INPP4A: variants seen among roughly 807,000 people sequenced by gnomAD.
INPP4A encodes the protein inositol polyphosphate-4-phosphatase type I A, also known as inositol polyphosphate-4-phosphatase, type I, 107kD.
Under a neutral mutation model 119.8 loss-of-function variants are expected in INPP4A, and 33 were observed. The ratio of observed to expected loss-of-function variants is 0.28; its 90% CI spans 0.21 to 0.37. INPP4A has a LOEUF of 0.37. INPP4A is among the 10% of genes least tolerant of loss of function. INPP4A has a pLI of 1.00. For missense variants in INPP4A, 956 were observed against 1,289.9 expected (o/e 0.74, Z 3.97); for synonymous variants, 496 against 500.7 (o/e 0.99, Z 0.12).
chr2:98,489,493 A>G (rs1266875284), intron 1 of INPP4A, among the ~76,000 whole-genome samples: 1 of 152,148 alleles, frequency 6.6e-6, no homozygotes, highest in African/African-American at 2.4e-5. Context: ...CAGATGACTC[A>G]GAGGGGCCCT....
intron 1 of INPP4A, among the ~76,000 whole-genome samples, chr2:98,453,232 T>G (rs571453688): frequency 2.2e-4 from 33 of 152,318 alleles, no homozygotes; most frequent in African/African-American, 7.7e-4. Flanking sequence ...AGGAGTAGTC[T>G]TGCACTGAGC....
chr2:98,470,917 TGGCCTCCCAAAGTACTG>T (rs1289107448), intron 1 of INPP4A, among the ~76,000 whole-genome samples: 1 of 152,128 alleles, frequency 6.6e-6, no homozygotes, highest in East Asian at 1.9e-4. Flanking sequence ...CCACCCACCT[TGGCCTCCCAAAGTACTG>T]GGATTACATG....
intron 19 of INPP4A, 116 bp from the exon 20 acceptor site, chr2:98,565,524 A>G (rs1575110462): frequency 4.4e-6 from 5 of 1,130,712 alleles, no homozygotes; most frequent in Non-Finnish European, 6.1e-6. Flanking sequence ...CCTCCACCAG[A>G]GCCACACCTG....
intron 1 of INPP4A, among the ~76,000 whole-genome samples, chr2:98,507,781 T>G (rs554670607): frequency 6.6e-6 from 1 of 151,878 alleles, no homozygotes; most frequent in African/African-American, 2.4e-5. Flanking sequence ...AGCCTTGGAG[T>G]CAATGGGCCA....
intron 1 of INPP4A, among the ~76,000 whole-genome samples, chr2:98,462,607 C>T (rs976893333): frequency 2.0e-5 from 3 of 151,402 alleles, no homozygotes; most frequent in African/African-American, 7.3e-5. Context: ...CTCACTGCAG[C>T]CTCTGCCTTC....
chr2:98,527,915 G>A (rs1688468752), intron 4 of INPP4A, among the ~76,000 whole-genome samples: 1 of 152,158 alleles, frequency 6.6e-6, no homozygotes, highest in African/African-American at 2.4e-5. Flanking sequence ...GGGGAAGGGA[G>A]AGAATCTAAT....
intron 1 of INPP4A, among the ~76,000 whole-genome samples, chr2:98,492,930 C>T (rs1681142804): frequency 6.6e-6 from 1 of 152,188 alleles, no homozygotes; most frequent in Non-Finnish European, 1.5e-5. Context: ...TTCTGCAGCA[C>T]CTCCTACATG....
At chr2:98,547,714 G>A (rs993768780) in intron 13 of INPP4A, among the ~76,000 whole-genome samples, 31 of 152,090 alleles carry the variant, frequency 2.0e-4, no homozygotes, top group Admixed American at 6.6e-5. Context: ...GGAAAACAGT[G>A]TTAGAGCCGG....
chr2:98,455,936 G>A (rs554412982), intron 1 of INPP4A, among the ~76,000 whole-genome samples: 13 of 152,314 alleles, frequency 8.5e-5, no homozygotes, highest in South Asian at 2.1e-4. Flanking sequence ...CAGCTAGAGC[G>A]TCCCGTGCCT....
intron 4 of INPP4A, among the ~76,000 whole-genome samples, chr2:98,528,119 A>G (rs976674167): frequency 1.3e-5 from 2 of 152,252 alleles, no homozygotes; most frequent in East Asian, 3.8e-4. Flanking sequence ...AGTATGTTCA[A>G]ATAACTGAAG....
chr2:98,579,282 C>T (rs1698929500), intron 24 of INPP4A, among the ~76,000 whole-genome samples: 1 of 152,166 alleles, frequency 6.6e-6, no homozygotes, highest in Admixed American at 6.5e-5. Flanking sequence ...AACTCCTGAC[C>T]TCAGGTGATC....
intron 4 of INPP4A, among the ~76,000 whole-genome samples, chr2:98,532,078 C>T (rs1323534496): frequency 6.6e-6 from 1 of 152,218 alleles, no homozygotes; most frequent in East Asian, 1.9e-4. Flanking sequence ...TAGATCACCA[C>T]AGGTCCTTTC....
intron 1 of INPP4A, among the ~76,000 whole-genome samples, chr2:98,453,021 T>G (rs1403589531): frequency 6.6e-6 from 1 of 152,210 alleles, no homozygotes; most frequent in Non-Finnish European, 1.5e-5. Flanking sequence ...CTTTCAGTGG[T>G]GATTTTTACC....
chr2:98,532,466 T>G (rs936966423), intron 4 of INPP4A, among the ~76,000 whole-genome samples: 6 of 152,338 alleles, frequency 3.9e-5, no homozygotes, highest in Middle Eastern at 3.4e-3. Context: ...TACAGTTTGG[T>G]GGCATTAAGT....
At chr2:98,522,981 T>C (rs552071099) in intron 4 of INPP4A, among the ~76,000 whole-genome samples, 2 of 152,346 alleles carry the variant, frequency 1.3e-5, no homozygotes, top group South Asian at 4.1e-4. Context: ...TTACTTCCCC[T>C]GCATTCTTTC....
intron 13 of INPP4A, among the ~76,000 whole-genome samples, chr2:98,547,832 T>A (rs1692742372): frequency 6.6e-6 from 1 of 151,818 alleles, no homozygotes; most frequent in African/African-American, 2.4e-5. Flanking sequence ...AGCAGAAGCA[T>A]CCGTCGACAG....
chr2:98,526,552 T>C (rs1225561273), intron 4 of INPP4A, among the ~76,000 whole-genome samples: 1 of 152,156 alleles, frequency 6.6e-6, no homozygotes, highest in Non-Finnish European at 1.5e-5. Flanking sequence ...ATAAAGGCAA[T>C]GAGTATACTG....
intron 1 of INPP4A, among the ~76,000 whole-genome samples, chr2:98,464,199 A>G (rs1230119727): frequency 6.6e-6 from 1 of 152,068 alleles, no homozygotes; most frequent in Admixed American, 6.6e-5. Context: ...GAAGGTTGGG[A>G]CAGCACAGCC....
chr2:98,486,243 TTGTAA>T (rs1331571276), intron 1 of INPP4A, among the ~76,000 whole-genome samples: 2 of 152,230 alleles, frequency 1.3e-5, no homozygotes, highest in Non-Finnish European at 2.9e-5. Context: ...GGCACAAATA[TTGTAA>T]TGTAAGAATC....
Sources: gnomAD v4.1 joint callset for allele counts (sites outside exome capture counted in the v4.1 genomes callset) on GRCh38, gnomAD v4.1.1 for gene constraint, MANE v1.5 for transcripts, NCBI Gene and HGNC (gene_info 2026-07-23, HGNC 2026-07-21) for gene names.